Variants in SGCD observed in about 807,000 individuals in gnomAD.
SGCD encodes the protein delta-sarcoglycan.
A neutral mutation model predicts 36.6 loss-of-function variants in SGCD; 18 were observed. The ratio of observed to expected loss-of-function variants is 0.49; its 90% CI spans 0.34 to 0.73. The LOEUF is 0.73. Ranked by LOEUF, SGCD falls within the 30% of genes least tolerant of loss-of-function variation. The probability of loss-of-function intolerance (pLI) is 0.01; values close to 1 mark genes in which losing one functional copy is unlikely to be tolerated. For missense variants in SGCD, 387 were observed against 346.7 expected, an observed-to-expected ratio of 1.12 and a Z score of -0.92; for synonymous variants, 133 against 130.6, an observed-to-expected ratio of 1.02 and a Z score of -0.12.
intron 2 of SGCD, among the ~76,000 whole-genome samples, chr5:156,119,781 C>T (rs1030191284): frequency 2.0e-5 from 3 of 152,032 alleles, no homozygotes; most frequent in South Asian, 2.1e-4. Flanking sequence ...CTGTGAAACC[C>T]GTGTCTGTGT....
chr5:156,156,752 G>A (rs546605094), intron 3 of SGCD, among the ~76,000 whole-genome samples: 1 of 151,534 alleles, frequency 6.6e-6, no homozygotes, highest in East Asian at 1.9e-4. Context: ...AAGGTCTTCT[G>A]ATGGGCTGAT....
the SGCD span, among the ~76,000 whole-genome samples, chr5:155,772,890 C>A: frequency 6.6e-6 from 1 of 152,134 alleles, no homozygotes; most frequent in African/African-American, 2.4e-5. Flanking sequence ...AGGGCAAGTT[C>A]ATTTTACTAC....
the SGCD span, among the ~76,000 whole-genome samples, chr5:155,758,110 G>A: frequency 3.9e-5 from 6 of 152,080 alleles, no homozygotes; most frequent in Non-Finnish European, 5.9e-5. Flanking sequence ...CATGAAAACA[G>A]ACTAATATAG....
intron 1 of SGCD, among the ~76,000 whole-genome samples, chr5:155,908,794 TTAAC>T (rs1756575308): frequency 6.6e-6 from 1 of 152,088 alleles, no homozygotes; most frequent in African/African-American, 2.4e-5. Flanking sequence ...CTATAACAAA[TTAAC>T]TAAATTGACC....
intron 4 of SGCD, among the ~76,000 whole-genome samples, chr5:156,573,973 A>T (rs1346002914): frequency 2.0e-5 from 3 of 152,164 alleles, no homozygotes; most frequent in Non-Finnish European, 2.9e-5. Context: ...GATTACAGAC[A>T]TGAGCCACTG....
chr5:156,395,476 C>G (rs1055818014), intron 3 of SGCD, among the ~76,000 whole-genome samples: 6 of 152,198 alleles, frequency 3.9e-5, no homozygotes, highest in African/African-American at 1.4e-4. Flanking sequence ...TCCTGCAAGT[C>G]TGACTTTTAG....
chr5:156,097,929 T>C (rs908954305), intron 1 of SGCD, among the ~76,000 whole-genome samples: 13 of 152,124 alleles, frequency 8.5e-5, no homozygotes, highest in Non-Finnish European at 1.8e-4. Context: ...GGCAGAAGCT[T>C]TGTGGTGTTA....
At chr5:156,228,551 T>C (rs1561574477) in intron 3 of SGCD, among the ~76,000 whole-genome samples, 1 of 152,144 alleles carries the variant, frequency 6.6e-6, no homozygotes. Flanking sequence ...TAGGTGAATC[T>C]CTTGAAGGCA....
At chr5:155,900,214 A>G (rs1481034185) in intron 1 of SGCD, among the ~76,000 whole-genome samples, 1 of 152,202 alleles carries the variant, frequency 6.6e-6, no homozygotes, top group Non-Finnish European at 1.5e-5. Context: ...CAAATACTCC[A>G]GTTTTGGAAA....
chr5:156,167,227 C>T (rs1763234732), intron 3 of SGCD, among the ~76,000 whole-genome samples: 1 of 152,162 alleles, frequency 6.6e-6, no homozygotes, highest in Non-Finnish European at 1.5e-5. Context: ...GTCATTCTTC[C>T]TTCAGTACCC....
At chr5:156,509,655 G>C (rs1756849324) in intron 4 of SGCD, among the ~76,000 whole-genome samples, 1 of 152,164 alleles carries the variant, frequency 6.6e-6, no homozygotes, top group Non-Finnish European at 1.5e-5. Flanking sequence ...ACTTGTAGCA[G>C]GACAAAGATT....
intron 1 of SGCD, among the ~76,000 whole-genome samples, chr5:156,106,513 T>C (rs1761653801): frequency 6.6e-6 from 1 of 152,210 alleles, no homozygotes; most frequent in Non-Finnish European, 1.5e-5. Flanking sequence ...AACAATCTAT[T>C]TAGTGACTAC....
chr5:156,648,163 C>T (rs1218969402), intron 7 of SGCD, among the ~76,000 whole-genome samples: 1 of 152,178 alleles, frequency 6.6e-6, no homozygotes, highest in African/African-American at 2.4e-5. Context: ...CTGTCCCTCC[C>T]GCCAAAATGT....
At chr5:156,362,934 A>G (rs1769887738) in intron 3 of SGCD, among the ~76,000 whole-genome samples, 1 of 152,216 alleles carries the variant, frequency 6.6e-6, no homozygotes, top group South Asian at 2.1e-4. Flanking sequence ...CATAACCTCA[A>G]AATATGGCTT....
intron 7 of SGCD, among the ~76,000 whole-genome samples, chr5:156,682,831 C>T (rs72801195): frequency 0.065 from 9,836 of 152,162 alleles, 353 homozygotes; most frequent in South Asian, 0.11. Flanking sequence ...TAGTACCGTA[C>T]CGAAGGTCTC....
At chr5:156,206,112 G>A (rs1385701464) in intron 3 of SGCD, among the ~76,000 whole-genome samples, 1 of 150,972 alleles carries the variant, frequency 6.6e-6, no homozygotes, top group Non-Finnish European at 1.5e-5. Context: ...CAAAGATCAT[G>A]CATGATATAT....
intron 3 of SGCD, among the ~76,000 whole-genome samples, chr5:156,505,187 C>T (rs1358323068): frequency 1.3e-5 from 2 of 152,216 alleles, no homozygotes; most frequent in Non-Finnish European, 2.9e-5. Flanking sequence ...CCCTTTGTTG[C>T]AGGTTCCACC....
intron 3 of SGCD, among the ~76,000 whole-genome samples, chr5:156,145,460 CA>C (rs1228230438): frequency 6.6e-6 from 1 of 152,086 alleles, no homozygotes; most frequent in Non-Finnish European, 1.5e-5. Context: ...AAGATAAAAC[CA>C]AACTCAAAGT....
chr5:156,490,872 G>T (rs1755908901), intron 3 of SGCD, among the ~76,000 whole-genome samples: 1 of 151,886 alleles, frequency 6.6e-6, no homozygotes, highest in African/African-American at 2.4e-5. Context: ...CAGTCAGGAG[G>T]AAAAAATTAA....
Sources: allele counts gnomAD v4.1 joint callset (sites outside exome capture counted in the v4.1 genomes callset), GRCh38; gene constraint gnomAD v4.1.1; transcripts MANE v1.5; gene names NCBI Gene and HGNC (gene_info 2026-07-23, HGNC 2026-07-21).